The following RBFOX1 variants were observed in gnomAD, a reference collection of about 807,000 sequenced individuals.
The protein encoded by RBFOX1 is RNA binding fox-1 homolog 1.
Under a neutral mutation model 57.7 loss-of-function variants are expected in RBFOX1, and 8 were observed. The observed-to-expected ratio is 0.14, with a 90% CI of 0.08 to 0.25. RBFOX1 has a LOEUF of 0.25. Among genes scored for constraint, RBFOX1 ranks in the 10% least tolerant of loss-of-function variants. The pLI, the probability that RBFOX1 is intolerant of heterozygous loss-of-function variation, is 1.00. For synonymous variants in RBFOX1, 326 were observed against 222.4 expected, an observed-to-expected ratio of 1.47 and a Z score of -4.15; for missense variants, 611 against 548.5, an observed-to-expected ratio of 1.11 and a Z score of -1.14.
chr16:7,605,164 T>A (rs2095235411), intron 9 of RBFOX1, among the ~76,000 whole-genome samples: 1 of 152,186 alleles, frequency 6.6e-6, no homozygotes. Context: ...ATTAGACTTT[T>A]TTTTAAAAAA....
intron 1 of RBFOX1, among the ~76,000 whole-genome samples, chr16:5,267,839 T>G (rs1446772799): frequency 6.6e-6 from 1 of 152,176 alleles, no homozygotes. Flanking sequence ...CCCAGCACTT[T>G]GGGAGGCCAA....
chr16:5,684,803 T>C (rs1217172316), intron 3 of RBFOX1, among the ~76,000 whole-genome samples: 3 of 152,172 alleles, frequency 2.0e-5, no homozygotes, highest in Non-Finnish European at 2.9e-5. Context: ...GAGCTGTGTA[T>C]CTCTACTTTA....
chr16:6,354,748 A>C (rs1427647875), intron 2 of RBFOX1, among the ~76,000 whole-genome samples: 1 of 152,136 alleles, frequency 6.6e-6, no homozygotes, highest in Non-Finnish European at 1.5e-5. Context: ...CTCTGAAACC[A>C]CTTGTGTCTG....
chr16:5,821,136 G>A (rs1420288900), intron 3 of RBFOX1, among the ~76,000 whole-genome samples: 2 of 152,132 alleles, frequency 1.3e-5, no homozygotes, highest in South Asian at 2.1e-4. Flanking sequence ...GCAGGACAAA[G>A]GCTCTCTGCT....
intron 2 of RBFOX1, among the ~76,000 whole-genome samples, chr16:6,446,409 T>G (rs1359764064): frequency 6.6e-6 from 1 of 152,216 alleles, no homozygotes; most frequent in Non-Finnish European, 1.5e-5. Flanking sequence ...ATCACTTCAT[T>G]GTTTTCGGAA....
chr16:6,721,002 G>C (rs2065878832), intron 3 of RBFOX1, among the ~76,000 whole-genome samples: 1 of 152,154 alleles, frequency 6.6e-6, no homozygotes, highest in Admixed American at 6.5e-5. Context: ...GCTAAGATGA[G>C]GTCACGAATA....
intron 4 of RBFOX1, among the ~76,000 whole-genome samples, chr16:7,487,966 G>C (rs1294454227): frequency 6.6e-6 from 1 of 151,896 alleles, no homozygotes; most frequent in Non-Finnish European, 1.5e-5. Flanking sequence ...TTTTTTTCCA[G>C]GGCCTCTTTT....
At chr16:5,594,648 A>G (rs1015039649) in intron 2 of RBFOX1, among the ~76,000 whole-genome samples, 1 of 152,110 alleles carries the variant, frequency 6.6e-6, no homozygotes, top group African/African-American at 2.4e-5. Flanking sequence ...TGAGTTTCTG[A>G]TTAGCATCTC....
chr16:6,588,840 C>A (rs80349196), intron 2 of RBFOX1, among the ~76,000 whole-genome samples: 3 of 152,150 alleles, frequency 2.0e-5, no homozygotes, highest in Non-Finnish European at 4.4e-5. Context: ...CATGCTGTCT[C>A]ACTGCCTCCT....
At chr16:7,396,286 A>T (rs778035498) in intron 4 of RBFOX1, among the ~76,000 whole-genome samples, 8 of 152,170 alleles carry the variant, frequency 5.3e-5, no homozygotes, top group Non-Finnish European at 1.0e-4. Context: ...TGGACAGAAG[A>T]TGACACTCAC....
intron 1 of RBFOX1, among the ~76,000 whole-genome samples, chr16:5,363,104 G>C (rs1167243489): frequency 3.4e-5 from 5 of 148,302 alleles, no homozygotes; most frequent in Admixed American, 6.8e-5. Context: ...TGTGATCTCG[G>C]CTCACTGCAA....
At chr16:5,681,912 T>C (rs1280127075) in intron 3 of RBFOX1, among the ~76,000 whole-genome samples, 1 of 151,822 alleles carries the variant, frequency 6.6e-6, no homozygotes, top group Non-Finnish European at 1.5e-5. Flanking sequence ...CTGGAAGGAG[T>C]AGAATCTTGA....
At chr16:6,787,240 T>A (rs1027176673) in intron 3 of RBFOX1, among the ~76,000 whole-genome samples, 2 of 152,156 alleles carry the variant, frequency 1.3e-5, no homozygotes, top group Admixed American at 6.5e-5. Flanking sequence ...GCATTCTCTA[T>A]GCAGTTCCCT....
At chr16:6,601,593 G>A (rs989095385) in intron 2 of RBFOX1, among the ~76,000 whole-genome samples, 3 of 152,122 alleles carry the variant, frequency 2.0e-5, no homozygotes, top group African/African-American at 7.2e-5. Flanking sequence ...AAGGACCACT[G>A]TTCCTCCATC....
chr16:5,931,535 C>T (rs2059057118), intron 4 of RBFOX1, among the ~76,000 whole-genome samples: 2 of 152,284 alleles, frequency 1.3e-5, no homozygotes, highest in Admixed American at 1.3e-4. Context: ...TGCTCAACCA[C>T]ATTCTGACTT....
chr16:6,980,155 T>A (rs138251878), intron 3 of RBFOX1, among the ~76,000 whole-genome samples: 50 of 152,292 alleles, frequency 3.3e-4, no homozygotes, highest in African/African-American at 1.1e-3. Context: ...CCCTCTTCAA[T>A]TAAGCCTCCG....
intron 3 of RBFOX1, among the ~76,000 whole-genome samples, chr16:6,788,404 C>T (rs1413518307): frequency 1.3e-5 from 2 of 151,778 alleles, no homozygotes; most frequent in East Asian, 1.9e-4. Flanking sequence ...TATCGTCTCT[C>T]TGAAAATAGT....
chr16:7,663,246 G>T (rs117424191), intron 12 of RBFOX1, among the ~76,000 whole-genome samples: 1 of 152,178 alleles, frequency 6.6e-6, no homozygotes, highest in African/African-American at 2.4e-5. Context: ...AGCTCAGGAC[G>T]ATGCACACCT....
At chr16:6,848,219 G>A (rs1035007165) in intron 3 of RBFOX1, among the ~76,000 whole-genome samples, 1 of 152,038 alleles carries the variant, frequency 6.6e-6, no homozygotes, top group African/African-American at 2.4e-5. Context: ...ACACCATGGT[G>A]AGCTCGGGCC....
Sources: allele counts gnomAD v4.1 joint callset (sites outside exome capture counted in the v4.1 genomes callset), GRCh38; gene constraint gnomAD v4.1.1; transcripts MANE v1.5; gene names NCBI Gene and HGNC (gene_info 2026-07-23, HGNC 2026-07-21).